NRXN3: variants seen among roughly 807,000 people sequenced by gnomAD.
NRXN3 encodes neurexin 3, also known as neurexin III.
In NRXN3, 32 loss-of-function variants were observed where a neutral mutation model predicts 137.6. The observed-to-expected ratio is 0.23, with a 90% confidence interval of 0.18 to 0.31. The LOEUF (loss-of-function observed/expected upper bound fraction) is 0.31, where lower values mean the gene tolerates loss of function less well. Among genes scored for constraint, NRXN3 ranks in the 10% least tolerant of loss-of-function variants. The pLI, the probability that NRXN3 is intolerant of heterozygous loss-of-function variation, is 1.00. For synonymous variants in NRXN3, 798 were observed against 784.5 expected (o/e 1.02, Z -0.29); for missense variants, 1,574 against 2,062.5 (o/e 0.76, Z 4.59).
chr14:78,729,593 G>C (rs893669630), intron 8 of NRXN3, among the ~76,000 whole-genome samples: 1 of 152,198 alleles, frequency 6.6e-6, no homozygotes, highest in African/African-American at 2.4e-5. Context: ...GTCCAGAAGA[G>C]CATGAAATGA....
chr14:78,917,221 T>C (rs568083924), intron 10 of NRXN3, among the ~76,000 whole-genome samples: 1 of 152,288 alleles, frequency 6.6e-6, no homozygotes, highest in African/African-American at 2.4e-5. Context: ...TAAAAAGGTA[T>C]ACTGTTTCCA....
intron 4 of NRXN3, among the ~76,000 whole-genome samples, chr14:78,312,267 C>CT (rs1367857805): frequency 1.3e-5 from 2 of 152,138 alleles, no homozygotes; most frequent in Non-Finnish European, 2.9e-5. Flanking sequence ...CAGTAAGCTG[C>CT]TTTGAATTTC....
At chr14:78,852,640 G>A (rs1000652759) in intron 10 of NRXN3, among the ~76,000 whole-genome samples, 3 of 152,144 alleles carry the variant, frequency 2.0e-5, no homozygotes, top group Non-Finnish European at 4.4e-5. Context: ...GGTTAGGTGT[G>A]ACCCAAAACT....
chr14:79,164,748 T>G lies in NRXN3; in HGVS notation c.3262+176607T>G, dbSNP rs940671744. On this transcript the variant is annotated intron_variant, in intron 15 of 20. Transcript: ENST00000335750. The stretch of plus-strand genomic sequence containing the variant: ...AAAGTTAAGAGAAATTAACAGGTCA[T>G]TGCTCAGAAAAATGCATAGTAATTG... 3.9e-5 allele frequency among the ~76,000 whole-genome samples: 6 copies of G among 152,010 alleles called. No individual in the cohort carries two copies. In the East Asian group the frequency reaches 1.2e-3, roughly 29 times the overall value.
intron 2 of NRXN3, among the ~76,000 whole-genome samples, chr14:78,255,679 G>C (rs1304012111): frequency 6.6e-6 from 1 of 152,180 alleles, no homozygotes; most frequent in African/African-American, 2.4e-5. Flanking sequence ...GGAGGACTCT[G>C]TTTCCCTTAG....
chr14:78,461,812 C>T (rs1194120917), intron 4 of NRXN3, among the ~76,000 whole-genome samples: 8 of 152,188 alleles, frequency 5.3e-5, no homozygotes, highest in Admixed American at 6.5e-5. Flanking sequence ...AAATTACTTT[C>T]ATCTCAGAAA....
chr14:78,953,976 T>A (rs2099391881), intron 10 of NRXN3, among the ~76,000 whole-genome samples: 1 of 152,244 alleles, frequency 6.6e-6, no homozygotes, highest in Non-Finnish European at 1.5e-5. Context: ...CTTACGTGAA[T>A]CACTCTTTAC....
chr14:79,626,316 C>T (rs1356496333), intron 16 of NRXN3, among the ~76,000 whole-genome samples: 2 of 152,092 alleles, frequency 1.3e-5, no homozygotes, highest in Non-Finnish European at 2.9e-5. Context: ...CCTGGATCCT[C>T]CCCTCCAGAT....
intron 10 of NRXN3, among the ~76,000 whole-genome samples, chr14:78,842,917 G>A (rs934552182): frequency 5.3e-5 from 8 of 152,094 alleles, no homozygotes; most frequent in Non-Finnish European, 8.8e-5. Flanking sequence ...GAACATTGCT[G>A]TTATCCTGTT....
chr14:78,328,892 A>G (rs1289247036), intron 4 of NRXN3, among the ~76,000 whole-genome samples: 4 of 152,102 alleles, frequency 2.6e-5, no homozygotes, highest in Non-Finnish European at 5.9e-5. Context: ...ACAACTGCAA[A>G]CCTAGGCTGC....
At chr14:78,589,885 G>A (rs191449406) in intron 4 of NRXN3, among the ~76,000 whole-genome samples, 1 of 152,278 alleles carries the variant, frequency 6.6e-6, no homozygotes, top group Admixed American at 6.5e-5. Context: ...TTGAACCCAG[G>A]AGGCGGAGGT....
At chr14:79,807,266 T>G (rs1301646215) in intron 20 of NRXN3, among the ~76,000 whole-genome samples, 2 of 152,028 alleles carry the variant, frequency 1.3e-5, no homozygotes, top group Non-Finnish European at 2.9e-5. Flanking sequence ...AGCAGTGATA[T>G]CTCTATATGC....
intron 15 of NRXN3, among the ~76,000 whole-genome samples, chr14:79,333,093 G>C (rs1002728388): frequency 6.6e-5 from 10 of 152,018 alleles, no homozygotes; most frequent in Non-Finnish European, 1.2e-4. Context: ...CATTCTAAAG[G>C]GGAGCAATTG....
chr14:78,948,578 C>G (rs1019868492), intron 10 of NRXN3, among the ~76,000 whole-genome samples: 6 of 144,522 alleles, frequency 4.2e-5, no homozygotes, highest in African/African-American at 1.3e-4. Flanking sequence ...GAAGCGCATA[C>G]AAATATGATA....
intron 8 of NRXN3, among the ~76,000 whole-genome samples, chr14:78,800,496 A>G (rs1299646497): frequency 6.6e-6 from 1 of 152,118 alleles, no homozygotes; most frequent in Non-Finnish European, 1.5e-5. Context: ...ATTGTTTCCA[A>G]TCTAAGAAGA....
At chr14:79,104,765 C>T (rs1451886829) in intron 15 of NRXN3, among the ~76,000 whole-genome samples, 2 of 151,910 alleles carry the variant, frequency 1.3e-5, no homozygotes, top group Admixed American at 1.3e-4. Flanking sequence ...ATTCACCTTT[C>T]CCCCAGTTAT....
intron 10 of NRXN3, among the ~76,000 whole-genome samples, chr14:78,931,344 G>T (rs1357880698): frequency 6.6e-6 from 1 of 152,102 alleles, no homozygotes; most frequent in Non-Finnish European, 1.5e-5. Context: ...ATTAATTATT[G>T]TCCTACCAGC....
intron 4 of NRXN3, among the ~76,000 whole-genome samples, chr14:78,401,250 C>T (rs12437081): frequency 0.06 from 9,141 of 152,144 alleles, 339 homozygotes; most frequent in Admixed American, 0.09. Context: ...CTGCAGCCAC[C>T]GCCTCCTGGG....
chr14:78,525,411 C>G (rs2096362840), intron 4 of NRXN3, among the ~76,000 whole-genome samples: 1 of 152,144 alleles, frequency 6.6e-6, no homozygotes, highest in African/African-American at 2.4e-5. Context: ...GTTAAGGTTC[C>G]TTTATAAGCT....
Sources: gnomAD v4.1 joint callset for allele counts (sites outside exome capture counted in the v4.1 genomes callset) on GRCh38, gnomAD v4.1.1 for gene constraint, MANE v1.5 for transcripts, NCBI Gene and HGNC (gene_info 2026-07-23, HGNC 2026-07-21) for gene names.